NSD2: variants seen among roughly 807,000 people sequenced by gnomAD.
NSD2 encodes the protein histone-lysine N-methyltransferase NSD2.
A neutral mutation model predicts 139.0 loss-of-function variants in NSD2; 12 were observed. That is an observed-to-expected ratio of 0.09 (90% CI 0.06 to 0.14). The LOEUF is 0.14. Ranked by LOEUF, NSD2 falls within the 10% of genes least tolerant of loss-of-function variation. NSD2 has a pLI of 1.00. For synonymous variants in NSD2, 669 were observed against 648.7 expected (o/e 1.03, Z -0.48); for missense variants, 1,155 against 1,745.0 (o/e 0.66, Z 6.02).
intron 1 of NSD2, among the ~76,000 whole-genome samples, chr4:1,887,318 A>G (rs1234117403): frequency 6.6e-6 from 1 of 152,006 alleles, no homozygotes; most frequent in Non-Finnish European, 1.5e-5. Flanking sequence ...CACTTTTGAC[A>G]TGTTCTTCTT....
intron 9 of NSD2, chr4:1,941,240 T>C (rs1443263480): frequency 1.9e-6 from 2 of 1,056,216 alleles, no homozygotes; most frequent in Non-Finnish European, 2.3e-6. Context: ...TCACTTAAGT[T>C]GAGATTTTTG....
intron 5 of NSD2, among the ~76,000 whole-genome samples, chr4:1,927,431 G>C (rs778249129): frequency 4.0e-5 from 6 of 151,892 alleles, no homozygotes; most frequent in Non-Finnish European, 8.8e-5. Context: ...AAAGATGTTG[G>C]GGGGAGCACA....
intron 7 of NSD2, among the ~76,000 whole-genome samples, chr4:1,936,706 T>C (rs1014831994): frequency 6.6e-6 from 1 of 151,556 alleles, no homozygotes; most frequent in Non-Finnish European, 1.5e-5. Context: ...ACAGAGTAGT[T>C]GTATATTTGT....
intron 1 of NSD2, 45 bp from the exon 2 acceptor site, chr4:1,900,581 A>G (rs1717016129): frequency 7.4e-7 from 1 of 1,345,032 alleles, no homozygotes; most frequent in Non-Finnish European, 1.0e-6. Flanking sequence ...TAGGTTTTAA[A>G]TGTAATTGCT....
intron 5 of NSD2, among the ~76,000 whole-genome samples, chr4:1,928,108 G>A (rs963903255): frequency 1.0e-4 from 15 of 145,626 alleles, no homozygotes; most frequent in Admixed American, 2.8e-4. Flanking sequence ...TTTCTCTGTT[G>A]CCTAGGCTGG....
chr4:1,925,802 GTTTT>G lies in NSD2; in HGVS notation c.1411-4822_1411-4819del, dbSNP rs1193747370. 2.0e-5 allele frequency among the ~76,000 whole-genome samples: 3 copies of G among 147,494 alleles called. No homozygotes were observed. In the East Asian group the frequency reaches 5.9e-4, roughly 29 times the overall value. ...TTTTTGTTTGTTTGTTTGTTTGTTT[GTTTT>G]TGTTTTTGTTTTTGAGACAGGGTCT... On this transcript the variant is annotated intron_variant, in intron 5 of 21. Transcript: ENST00000508803.
At position 1,943,216 on chromosome 4, in the gene NSD2, C is replaced by G. The variant is rs1560720289; in HGVS notation, c.1881+3438C>G. 3.8e-6 allele frequency: 4 copies of G among 1,041,598 alleles called. No individual in the cohort carries two copies. In the Admixed American group the frequency reaches 1.7e-4, roughly 44 times the overall value. The allele number at this position is 1,041,598 out of a possible 1,614,324, so 64.5% of individuals were successfully genotyped here. A position where few individuals can be genotyped will look rare whatever the true frequency, so the allele number is the denominator to read the frequency against. On this transcript the variant is annotated intron_variant, in intron 9 of 21. Coordinates refer to ENST00000508803, the MANE Select transcript of NSD2 (RefSeq NM_001042424.3). Reference sequence around the variant, plus strand: ...TTACTTGCCCTTCAGCTCATAAAAGCAGAAGGTGTGCTATTCACAGTACCA... The same window carrying G: ...TTACTTGCCCTTCAGCTCATAAAAGGAGAAGGTGTGCTATTCACAGTACCA...
At chr4:1,951,341 T>C in intron 10 of NSD2, 138 bp downstream of exon 10, 2 of 1,258,410 alleles carry the variant, frequency 1.6e-6, no homozygotes, top group Non-Finnish European at 2.2e-6. Flanking sequence ...ATCTCTGTTT[T>C]GAAGGGGTCA....
intron 18 of NSD2, among the ~76,000 whole-genome samples, chr4:1,963,513 T>C (rs933968232): frequency 5.9e-5 from 9 of 152,244 alleles, no homozygotes; most frequent in African/African-American, 2.2e-4. Context: ...GGAGTCTAAA[T>C]GTAAACTACT....
intron 9 of NSD2, among the ~76,000 whole-genome samples, chr4:1,950,006 A>G (rs1724045232): frequency 6.6e-6 from 1 of 152,188 alleles, no homozygotes; most frequent in African/African-American, 2.4e-5. Flanking sequence ...CGATAACATA[A>G]TTACTTGTTT....
intron 1 of NSD2, among the ~76,000 whole-genome samples, chr4:1,875,822 T>C (rs184811230): frequency 6.6e-6 from 1 of 150,408 alleles, no homozygotes; most frequent in African/African-American, 2.4e-5. Context: ...GGCAGGAGAA[T>C]GGCGTTAACC....
intron 3 of NSD2, among the ~76,000 whole-genome samples, chr4:1,908,707 A>G (rs900982223): frequency 6.6e-6 from 1 of 152,102 alleles, no homozygotes; most frequent in African/African-American, 2.4e-5. Context: ...GTGGAAAGGC[A>G]CAGGTCCCCA....
Position 1,979,074 on chromosome 4 carries a change from T to G in NSD2, c.*165T>G. On this transcript the variant is annotated 3_prime_UTR_variant, in exon 22 of 22. Coordinates refer to ENST00000508803, the MANE Select transcript of NSD2 (RefSeq NM_001042424.3). Reference sequence around the variant, plus strand: ...GCGCCTCCCCACCACTGAGCCATCCTCAGCAGCGTCCGCTGCGTCTGCACT... The same window carrying G: ...GCGCCTCCCCACCACTGAGCCATCCGCAGCAGCGTCCGCTGCGTCTGCACT... The G allele has an allele frequency of 1.2e-6, 1 of 849,616 alleles. No individual in the cohort carries two copies. 52.6% of individuals were successfully genotyped at this position (849,616 alleles called of 1,614,324 possible).
At chr4:1,928,583 C>T (rs1384503361) in intron 5 of NSD2, among the ~76,000 whole-genome samples, 2 of 152,146 alleles carry the variant, frequency 1.3e-5, no homozygotes, top group Non-Finnish European at 1.5e-5. Context: ...CCGCAGAAGC[C>T]GTCTGTGGTG....
Position 1,958,345 on chromosome 4 carries a change from C to G in NSD2, c.2985+309C>G, listed in dbSNP as rs1725036649. Among the ~76,000 whole-genome samples, 2 of 152,232 alleles carry G rather than the reference C, an allele frequency of 1.3e-5. No homozygotes were observed. Among genetic ancestry groups the G allele is most frequent in the African/African-American group, 2.4e-5 (1 of 41,464 alleles). ...GGATGAGCCTCCCACCTGCACCAGGCTGTTGCCAAGTGCTGGGAGTCAGTC... is the reference window on the plus strand; with the variant it reads ...GGATGAGCCTCCCACCTGCACCAGGGTGTTGCCAAGTGCTGGGAGTCAGTC... On this transcript the variant is annotated intron_variant, in intron 16 of 21. Coordinates refer to ENST00000508803, the MANE Select transcript of NSD2 (RefSeq NM_001042424.3). This position sits in a 1 kb window ranked among gnomAD's most constrained non-coding sequence, Gnocchi z 4.6.
At chr4:1,927,614 G>T (rs757553364) in intron 5 of NSD2, among the ~76,000 whole-genome samples, 5 of 150,078 alleles carry the variant, frequency 3.3e-5, no homozygotes, top group Non-Finnish European at 7.4e-5. Context: ...AGCTACTCAG[G>T]AGGCTAAGGT....
In NSD2 at chr4:1,918,714, G is replaced by A. The variant is rs758609124; in HGVS notation, c.1410+91G>A. 2.6e-6 allele frequency: 4 copies of A among 1,512,462 alleles called. No individual in the cohort carries two copies. The African/African-American group carries it at 5.5e-5, about 21-fold the overall frequency. The allele number at this position is 1,512,462 out of a possible 1,614,324, so 93.7% of individuals were successfully genotyped here. On this transcript the variant is annotated intron_variant, in intron 5 of 21. Coordinates refer to ENST00000508803, the MANE Select transcript of NSD2 (RefSeq NM_001042424.3). ...AATCATCTGTTTCTCAGCATTATCA[G>A]GAGACTCTAACATGAGCCTTGCATA...
Position 1,972,037 on chromosome 4 carries a change from G to A in NSD2, c.3373-2826G>A, listed in dbSNP as rs1726540588. 6.6e-6 allele frequency among the ~76,000 whole-genome samples: 1 copy of A among 152,198 alleles called. No individual in the cohort carries two copies. The highest frequency in any genetic ancestry group is 1.5e-5 in the Non-Finnish European group (1 of 68,034). On this transcript the variant is annotated intron_variant, in intron 18 of 21. Coordinates refer to ENST00000508803, the MANE Select transcript of NSD2 (RefSeq NM_001042424.3). The surrounding 1 kb of genome is among the most constrained non-coding windows in gnomAD (Gnocchi z 4.0). ...AAGGCTGCGGGTGCTGGGTGATGCA[G>A]GCAGGGCAGAAACAGCAGAGCAGCA...
chr4:1,950,793 C>T (rs531123092), intron 9 of NSD2, among the ~76,000 whole-genome samples: 2 of 152,320 alleles, frequency 1.3e-5, no homozygotes, highest in South Asian at 4.1e-4. Flanking sequence ...CATAACACTT[C>T]CTTCATTTTA....
Sources: allele counts gnomAD v4.1 joint callset (sites outside exome capture counted in the v4.1 genomes callset), GRCh38; gene constraint gnomAD v4.1.1; non-coding constraint Gnocchi (gnomAD v3.1); transcripts MANE v1.5; gene names NCBI Gene and HGNC (gene_info 2026-07-23, HGNC 2026-07-21).